GPC4: variants seen among roughly 807,000 people sequenced by gnomAD.
GPC4 encodes the protein glypican 4.
A neutral mutation model predicts 35.0 loss-of-function variants in GPC4; 10 were observed. The ratio of observed to expected loss-of-function variants is 0.29; its 90% CI spans 0.18 to 0.48. GPC4 has a LOEUF of 0.48. GPC4 is among the 20% of genes least tolerant of loss of function. GPC4 has a pLI of 0.99. For synonymous variants in GPC4, 167 were observed against 170.2 expected (o/e 0.98, Z 0.15); for missense variants, 322 against 451.3 (o/e 0.71, Z 2.60).
Position 133,415,087 on chromosome X carries a change from G to C in GPC4, c.-122C>G. 1.4e-6 allele frequency: 1 copy of C among 708,450 alleles called. No homozygotes were observed. Among genetic ancestry groups the C allele is most frequent in the Non-Finnish European group, 2.0e-6 (1 of 489,813 alleles). 58.4% of individuals were successfully genotyped at this position (708,450 alleles called of 1,213,427 possible). On this transcript the variant is annotated 5_prime_UTR_variant, in exon 1 of 9. Coordinates refer to ENST00000370828, the MANE Select transcript of GPC4 (RefSeq NM_001448.3). ...AGTGGAGCTGGAGGGAGAAGGAGTT[G>C]GAGTTGGTGGAAGAGGCGAGCAGGC...
Position 133,308,655 on chromosome X carries a change from A to T in GPC4, c.878-2501T>A, listed in dbSNP as rs372557712. On this transcript the variant is annotated intron_variant, in intron 4 of 8. Transcript: ENST00000370828. ...AAGAGAGGAGAGGAAGAGCATGGCAACAAGAAGACGGATTTGGAAAACCAG... is the reference window on the plus strand; with the variant it reads ...AAGAGAGGAGAGGAAGAGCATGGCATCAAGAAGACGGATTTGGAAAACCAG... Among the ~76,000 whole-genome samples, 54 of 111,548 alleles carry T rather than the reference A, an allele frequency of 4.8e-4. 1 individual carries two copies. The South Asian group carries it at 0.019, about 40-fold the overall frequency.
intron 1 of GPC4, among the ~76,000 whole-genome samples, chrX:133,379,913 A>G (rs1390065744): frequency 8.9e-6 from 1 of 111,799 alleles, no homozygotes; most frequent in African/African-American, 3.2e-5. Context: ...GCAAACAATA[A>G]CAGAATAACA....
At chrX:133,340,990 C>G (rs796311666) in intron 1 of GPC4, among the ~76,000 whole-genome samples, 1 of 107,199 alleles carries the variant, frequency 9.3e-6, no homozygotes, top group African/African-American at 3.6e-5. Flanking sequence ...ATTCTACTAA[C>G]AGAAAAAAAA....
intron 1 of GPC4, among the ~76,000 whole-genome samples, chrX:133,364,630 C>G (rs2068582345): frequency 8.9e-6 from 1 of 112,408 alleles, no homozygotes; most frequent in African/African-American, 3.2e-5. Context: ...CTTCAATATA[C>G]ACACATAATT....
intron 1 of GPC4, among the ~76,000 whole-genome samples, chrX:133,342,876 G>A (rs2068473272): frequency 2.7e-5 from 3 of 111,295 alleles, no homozygotes; most frequent in East Asian, 2.8e-4. Flanking sequence ...AGGCTAGGGC[G>A]TGCATATTAT....
chrX:133,354,559 TA>T (rs1730603177), intron 1 of GPC4, among the ~76,000 whole-genome samples: 7 of 93,277 alleles, frequency 7.5e-5, no homozygotes, highest in African/African-American at 3.5e-4. Flanking sequence ...TTTATTTATT[TA>T]TTTATTTATT....
At chrX:133,308,013 A>G (rs939876728) in intron 4 of GPC4, among the ~76,000 whole-genome samples, 1 of 111,865 alleles carries the variant, frequency 8.9e-6, no homozygotes, top group African/African-American at 3.2e-5. Flanking sequence ...GGCCGGTGCC[A>G]TGGTGTTGTG....
chrX:133,373,187 A>G (rs1159379353), intron 1 of GPC4, among the ~76,000 whole-genome samples: 1 of 111,652 alleles, frequency 9.0e-6, no homozygotes, highest in Non-Finnish European at 1.9e-5. Context: ...TGTTCTCTAA[A>G]CCTTCCATTT....
chrX:133,301,895 T>A lies in GPC4; in HGVS notation c.*972A>T, dbSNP rs980242047. On this transcript the variant is annotated 3_prime_UTR_variant, in exon 9 of 9. Coordinates refer to ENST00000370828, the MANE Select transcript of GPC4 (RefSeq NM_001448.3). ...TCCCTGTACATAATTGGGTTTGAAA[T>A]CTCGACCACTCTAACAAAGGATATT... The A allele has an allele frequency of 9.0e-6, 1 of 111,135 alleles. No homozygotes were observed. The highest frequency in any genetic ancestry group is 3.3e-5 in the African/African-American group (1 of 30,513). 9.2% of individuals were successfully genotyped at this position (111,135 alleles called of 1,213,427 possible). A position where few individuals can be genotyped will look rare whatever the true frequency, so the allele number is the denominator to read the frequency against.
chrX:133,305,569 T>A (rs1057081216), intron 6 of GPC4, among the ~76,000 whole-genome samples: 7 of 111,946 alleles, frequency 6.3e-5, no homozygotes, highest in African/African-American at 2.3e-4. Flanking sequence ...ACAAGACTTA[T>A]TGCATCATAA....
At chrX:133,321,503 C>T (rs188367858) in intron 3 of GPC4, among the ~76,000 whole-genome samples, 4 of 112,415 alleles carry the variant, frequency 3.6e-5, no homozygotes, top group African/African-American at 1.3e-4. Flanking sequence ...ACTTTTCAAA[C>T]TAGCAAAGGG....
intron 1 of GPC4, among the ~76,000 whole-genome samples, chrX:133,393,215 G>A (rs892789355): frequency 1.8e-5 from 2 of 111,622 alleles, no homozygotes; most frequent in African/African-American, 6.5e-5. Flanking sequence ...GTTTTAGGAA[G>A]GGTTTTGTTT....
chrX:133,311,533 G>T, intron 3 of GPC4, 110 bp from the exon 4 acceptor site: 1 of 714,869 alleles, frequency 1.4e-6, no homozygotes, highest in Non-Finnish European at 2.2e-6. Flanking sequence ...AGAATGAGTT[G>T]TGATTGATCA....
intron 3 of GPC4, among the ~76,000 whole-genome samples, chrX:133,317,764 T>C (rs2068345598): frequency 1.8e-5 from 2 of 111,981 alleles, no homozygotes; most frequent in African/African-American, 3.2e-5. Flanking sequence ...AACAGAACTA[T>C]TCCCAGAATT....
chrX:133,358,300 A>G (rs2124149426), intron 1 of GPC4, among the ~76,000 whole-genome samples: 1 of 112,503 alleles, frequency 8.9e-6, no homozygotes, highest in Admixed American at 9.4e-5. Flanking sequence ...CAATATCCAA[A>G]GGTTTCTACA....
chrX:133,331,346 TA>T (rs2068419119), intron 2 of GPC4, among the ~76,000 whole-genome samples: 1 of 111,829 alleles, frequency 8.9e-6, no homozygotes, highest in Admixed American at 9.5e-5. Context: ...CACGTATAAG[TA>T]AGCTAGGGAG....
At chrX:133,386,159 A>T (rs1459592975) in intron 1 of GPC4, among the ~76,000 whole-genome samples, 1 of 107,918 alleles carries the variant, frequency 9.3e-6, no homozygotes, top group Non-Finnish European at 1.9e-5. Flanking sequence ...CGCTTGAGCC[A>T]AGGAGGTCAA....
At chrX:133,320,615 ACT>A (rs1569342993) in intron 3 of GPC4, among the ~76,000 whole-genome samples, 1 of 88,293 alleles carries the variant, frequency 1.1e-5, no homozygotes, top group Non-Finnish European at 2.2e-5. Flanking sequence ...CAAGAGCAAA[ACT>A]CTGTCTCAAA....
At chrX:133,373,007 T>C (rs755504672) in intron 1 of GPC4, among the ~76,000 whole-genome samples, 3 of 111,873 alleles carry the variant, frequency 2.7e-5, no homozygotes, top group Non-Finnish European at 5.6e-5. Flanking sequence ...GGAATCTCTT[T>C]ACTTCCACAT....
Sources: allele counts gnomAD v4.1 joint callset (sites outside exome capture counted in the v4.1 genomes callset), GRCh38; gene constraint gnomAD v4.1.1; transcripts MANE v1.5; gene names NCBI Gene and HGNC (gene_info 2026-07-23, HGNC 2026-07-21).